FAT3: variants seen among roughly 807,000 people sequenced by gnomAD.
FAT3 encodes the protein protocadherin Fat 3.
FAT3 carries 95 observed loss-of-function variants against 310.2 expected under a neutral mutation model. That is an observed-to-expected ratio of 0.31 (90% CI 0.26 to 0.36). The LOEUF (loss-of-function observed/expected upper bound fraction) is 0.36. FAT3 is among the 10% of genes least tolerant of loss of function. The pLI, the probability that FAT3 is intolerant of heterozygous loss-of-function variation, is 1.00. For synonymous variants in FAT3, 2,314 were observed against 2,192.9 expected (o/e 1.06, Z -1.54); for missense variants, 5,408 against 5,715.6 (o/e 0.95, Z 1.74).
chr11:92,512,020 C>G (rs994437002), intron 2 of FAT3, among the ~76,000 whole-genome samples: 3 of 152,022 alleles, frequency 2.0e-5, no homozygotes, highest in Admixed American at 6.6e-5. Flanking sequence ...GTGGATAGAT[C>G]AGCAGCATAC....
intron 1 of FAT3, among the ~76,000 whole-genome samples, chr11:92,270,170 T>G (rs1394975151): frequency 6.6e-6 from 1 of 152,152 alleles, no homozygotes; most frequent in Non-Finnish European, 1.5e-5. Context: ...TACTTCCATC[T>G]TCTTAAAATA....
chr11:92,873,496 C>T (rs958107597), intron 22 of FAT3, among the ~76,000 whole-genome samples: 2 of 152,182 alleles, frequency 1.3e-5, no homozygotes, highest in African/African-American at 4.8e-5. Context: ...CCTACACTGG[C>T]AAGCAGGGTA....
intron 1 of FAT3, among the ~76,000 whole-genome samples, chr11:92,255,628 C>A (rs1865287942): frequency 6.6e-6 from 1 of 152,080 alleles, no homozygotes; most frequent in Admixed American, 6.5e-5. Flanking sequence ...ACTGGGTCCT[C>A]CTGTGCCAGT....
intron 3 of FAT3, among the ~76,000 whole-genome samples, chr11:92,618,666 A>G (rs1445891091): frequency 1.3e-5 from 2 of 152,148 alleles, no homozygotes; most frequent in Admixed American, 6.5e-5. Context: ...TAATGCATAT[A>G]AATACATTTA....
At chr11:92,261,861 T>G (rs1284169660) in intron 1 of FAT3, among the ~76,000 whole-genome samples, 1 of 152,160 alleles carries the variant, frequency 6.6e-6, no homozygotes, top group Non-Finnish European at 1.5e-5. Context: ...CCATTCTTTT[T>G]TATTTAAAAT....
At chr11:92,711,100 C>T (rs527430727) in intron 4 of FAT3, among the ~76,000 whole-genome samples, 61 of 152,104 alleles carry the variant, frequency 4.0e-4, no homozygotes, top group African/African-American at 1.3e-3. Flanking sequence ...ATAGTTTTTC[C>T]ATAAATTGAT....
intron 4 of FAT3, among the ~76,000 whole-genome samples, chr11:92,724,343 G>A (rs529351978): frequency 1.8e-4 from 28 of 152,256 alleles, no homozygotes; most frequent in African/African-American, 6.5e-4. Context: ...ACCTCTTGAG[G>A]TTCAGGATCT....
intron 2 of FAT3, among the ~76,000 whole-genome samples, chr11:92,524,044 T>C (rs1953772025): frequency 6.6e-6 from 1 of 152,164 alleles, no homozygotes; most frequent in Non-Finnish European, 1.5e-5. Flanking sequence ...CTGATTATGT[T>C]GGAATAGCTG....
At chr11:92,870,921 C>G (rs1949370954) in intron 22 of FAT3, among the ~76,000 whole-genome samples, 1 of 152,170 alleles carries the variant, frequency 6.6e-6, no homozygotes, top group Non-Finnish European at 1.5e-5. Flanking sequence ...CAATACTATT[C>G]TTCTCTCCCA....
intron 2 of FAT3, among the ~76,000 whole-genome samples, chr11:92,424,428 A>G (rs961048590): frequency 2.6e-5 from 4 of 152,262 alleles, no homozygotes; most frequent in East Asian, 3.9e-4. Context: ...GGACCTTGCC[A>G]CAACAATAAC....
intron 5 of FAT3, 102 bp from the exon 6 acceptor site, chr11:92,764,777 T>TGTTGAAGATGGACTCTTGGCCC: frequency 9.6e-7 from 1 of 1,046,922 alleles, no homozygotes; most frequent in South Asian, 1.6e-5. Context: ...GCTGACACTG[T>TGTTGAAGATGGACTCTTGGCCC]GTTGAAGATG....
Position 92,355,171 on chromosome 11 carries a change from C to G in FAT3, c.3059C>G (p.Ser1020Cys), listed in dbSNP as rs1277968304. The G allele has an allele frequency of 6.2e-7, 1 of 1,613,698 alleles. No homozygotes were observed. The highest frequency in any genetic ancestry group is 2.2e-5 in the East Asian group (1 of 44,890). Residue 1020 changes from serine (S) to cysteine (C), a missense_variant, in exon 2 of 28, where the codon TCT (serine) becomes TGT (cysteine). Around this residue, in one of 5 missense-constraint regions of FAT3, gnomAD observed 4,588 missense variants for 4,809.8 expected, o/e 0.95. Transcript: ENST00000525166. ...VRAKDKGRPV[S>C]LSSVSFVEVE... ...GCCAAAGACAAAGGGCGGCCTGTCT[C>G]TCTGTCATCTGTTTCCTTTGTTGAG...
chr11:92,496,218 G>T (rs1250513901), intron 2 of FAT3, among the ~76,000 whole-genome samples: 2 of 152,022 alleles, frequency 1.3e-5, no homozygotes, highest in African/African-American at 4.8e-5. Context: ...CTTAAAGAGT[G>T]TTCAGGCTAA....
chr11:92,887,197 C>A, intron 25 of FAT3, 84 bp downstream of exon 25: 1 of 1,204,588 alleles, frequency 8.3e-7, no homozygotes, highest in Non-Finnish European at 1.2e-6. Flanking sequence ...GGTGGTGCAA[C>A]TGGCTTTGTT....
intron 3 of FAT3, among the ~76,000 whole-genome samples, chr11:92,532,577 A>G (rs978710730): frequency 6.6e-6 from 1 of 152,188 alleles, no homozygotes; most frequent in Admixed American, 6.5e-5. Flanking sequence ...AAATAATAAT[A>G]ATAACAAAAC....
At chr11:92,281,694 G>C (rs1946426934) in intron 1 of FAT3, among the ~76,000 whole-genome samples, 1 of 152,132 alleles carries the variant, frequency 6.6e-6, no homozygotes, top group African/African-American at 2.4e-5. Flanking sequence ...ATCAATAAAT[G>C]AGAAACAAAG....
At chr11:92,565,468 A>G (rs1228209779) in intron 3 of FAT3, among the ~76,000 whole-genome samples, 3 of 143,878 alleles carry the variant, frequency 2.1e-5, no homozygotes, top group African/African-American at 5.0e-5. Context: ...ACAAGGAGGA[A>G]CTGGTACCAT....
chr11:92,293,512 TTATATA>T (rs1195340265), intron 1 of FAT3, among the ~76,000 whole-genome samples: 1,798 of 67,816 alleles, frequency 0.027, 35 homozygotes, highest in African/African-American at 0.068. Context: ...GAACCTCAGA[TTATATA>T]TATATATATA....
chr11:92,681,059 A>G (rs529927771), intron 3 of FAT3, among the ~76,000 whole-genome samples: 2 of 152,384 alleles, frequency 1.3e-5, no homozygotes, highest in East Asian at 3.9e-4. Flanking sequence ...TATTTTTTAT[A>G]TAGACATTCA....
Sources: gnomAD v4.1 joint callset for allele counts (sites outside exome capture counted in the v4.1 genomes callset) on GRCh38, gnomAD v4.1.1 for gene constraint, gnomAD v4.1.1 regional missense constraint, MANE v1.5 for transcripts, NCBI Gene and HGNC (gene_info 2026-07-23, HGNC 2026-07-21) for gene names.